NSMCE2: variants seen among roughly 807,000 people sequenced by gnomAD.
NSMCE2 encodes the protein E3 SUMO-protein ligase NSE2.
Under a neutral mutation model 23.8 loss-of-function variants are expected in NSMCE2, and 24 were observed. That is an observed-to-expected ratio of 1.01 (90% CI 0.73 to 1.42). The LOEUF (loss-of-function observed/expected upper bound fraction) is 1.42, where lower values mean the gene tolerates loss of function less well. Among genes scored for constraint, NSMCE2 ranks in the 40% most tolerant of loss-of-function variants. The probability of loss-of-function intolerance (pLI) is 0.00; values close to 1 mark genes in which losing one functional copy is unlikely to be tolerated. For synonymous variants in NSMCE2, 92 were observed against 94.1 expected (o/e 0.98, Z 0.13); for missense variants, 284 against 296.5 (o/e 0.96, Z 0.31).
At chr8:125,130,177 G>A in intron 3 of NSMCE2, 1 of 452,512 alleles carries the variant, frequency 2.2e-6, no homozygotes, top group South Asian at 1.6e-5. Flanking sequence ...GCTGGAGTTT[G>A]TCTGATGTCT....
intron 5 of NSMCE2, among the ~76,000 whole-genome samples, chr8:125,352,907 T>A (rs1160844854): frequency 6.6e-6 from 1 of 152,202 alleles, no homozygotes; most frequent in East Asian, 1.9e-4. Context: ...GAAGTTTAGC[T>A]ATTGAGAGTC....
intron 5 of NSMCE2, among the ~76,000 whole-genome samples, chr8:125,336,480 G>A (rs1456974654): frequency 1.3e-5 from 2 of 152,184 alleles, no homozygotes; most frequent in African/African-American, 4.8e-5. Flanking sequence ...AGTTGGAGAA[G>A]GGGAAGGAGG....
chr8:125,177,526 A>T (rs1054682040), intron 4 of NSMCE2, among the ~76,000 whole-genome samples: 1 of 152,166 alleles, frequency 6.6e-6, no homozygotes, highest in African/African-American at 2.4e-5. Context: ...TAGCCTTCTG[A>T]TAATTTACTC....
chr8:125,155,611 CA>C lies in NSMCE2; in HGVS notation c.264+4335del, dbSNP rs747594039. Among the ~76,000 whole-genome samples, 188 of 152,234 alleles carry C rather than the reference CA, an allele frequency of 1.2e-3. No individual in the cohort carries two copies. In the Middle Eastern group the frequency reaches 0.014, roughly 11 times the overall value. On this transcript the variant is annotated intron_variant, in intron 4 of 7. Coordinates refer to ENST00000287437, the MANE Select transcript of NSMCE2 (RefSeq NM_173685.4). Reference sequence around the variant, plus strand: ...TATTATCAATATCCTACTTCTTAAACAGGGGTTATCTCTCTTAAAATGAGAC... The same window carrying C: ...TATTATCAATATCCTACTTCTTAAACGGGGTTATCTCTCTTAAAATGAGAC...
chr8:125,195,158 A>G (rs1369751912), intron 5 of NSMCE2, among the ~76,000 whole-genome samples: 1 of 152,180 alleles, frequency 6.6e-6, no homozygotes, highest in African/African-American at 2.4e-5. Context: ...CCACTGGTTT[A>G]CAGCGGAGGT....
intron 5 of NSMCE2, among the ~76,000 whole-genome samples, chr8:125,220,660 A>G (rs1220758723): frequency 6.6e-6 from 1 of 152,024 alleles, no homozygotes; most frequent in Non-Finnish European, 1.5e-5. Flanking sequence ...AAAAAAAGTA[A>G]AGAACTTACT....
intron 5 of NSMCE2, among the ~76,000 whole-genome samples, chr8:125,207,108 C>T (rs1490890562): frequency 6.6e-6 from 1 of 151,876 alleles, no homozygotes; most frequent in Non-Finnish European, 1.5e-5. Flanking sequence ...AAACTAAGTT[C>T]CATAACCTAG....
intron 5 of NSMCE2, among the ~76,000 whole-genome samples, chr8:125,190,378 C>G (rs931213962): frequency 3.3e-5 from 5 of 152,084 alleles, no homozygotes; most frequent in Admixed American, 6.5e-5. Context: ...CCAAGAACAA[C>G]AAAGCTAGTG....
intron 5 of NSMCE2, among the ~76,000 whole-genome samples, chr8:125,212,637 G>A (rs78826883): frequency 1.4e-3 from 210 of 152,262 alleles, no homozygotes; most frequent in African/African-American, 4.8e-3. Context: ...TCTAAATTAG[G>A]GATGGTTGAT....
At chr8:125,137,076 A>G (rs1820105164) in intron 3 of NSMCE2, among the ~76,000 whole-genome samples, 1 of 150,030 alleles carries the variant, frequency 6.7e-6, no homozygotes. Flanking sequence ...TATTTTCATG[A>G]AATCAAAATT....
chr8:125,335,991 A>G (rs1830053869), intron 5 of NSMCE2, among the ~76,000 whole-genome samples: 1 of 152,198 alleles, frequency 6.6e-6, no homozygotes, highest in Non-Finnish European at 1.5e-5. Flanking sequence ...GTGAATAGAT[A>G]AGAATTAGGA....
rs34345598 is a variant in NSMCE2 at position 125,330,177 on chromosome 8, C to CTTTTTTTT, written c.419-27039_419-27038insTTTTTTTT. Among the ~76,000 whole-genome samples the CTTTTTTTT allele has an allele frequency of 2.7e-3, 326 of 118,976 alleles. 16 individuals are homozygous for CTTTTTTTT. Among genetic ancestry groups the CTTTTTTTT allele is most frequent in the Non-Finnish European group, 3.8e-3 (231 of 61,398 alleles). The allele number at this position is 118,976 out of a possible 152,430, so 78.1% of individuals were successfully genotyped here. ...AAACAGAACTAACTTTTTCTTTTTT[C>CTTTTTTTT]TTTCTTTTTTTTTTTTTTTGAGACA... is the stretch of plus-strand genomic sequence containing the variant. On this transcript the variant is annotated intron_variant, in intron 5 of 7. Coordinates refer to ENST00000287437, the MANE Select transcript of NSMCE2 (RefSeq NM_173685.4).
chr8:125,274,775 C>T (rs543444625), intron 5 of NSMCE2, among the ~76,000 whole-genome samples: 1 of 151,856 alleles, frequency 6.6e-6, no homozygotes, highest in Non-Finnish European at 1.5e-5. Flanking sequence ...ACTAAAAATA[C>T]AAAAATTAGC....
chr8:125,224,769 T>G (rs1000930041), intron 5 of NSMCE2, among the ~76,000 whole-genome samples: 1 of 152,206 alleles, frequency 6.6e-6, no homozygotes, highest in African/African-American at 2.4e-5. Flanking sequence ...ATCCCCATTT[T>G]ACAGAGGAGG....
intron 5 of NSMCE2, among the ~76,000 whole-genome samples, chr8:125,216,211 T>A (rs116733656): frequency 0.12 from 18,607 of 152,282 alleles, 1,266 homozygotes; most frequent in African/African-American, 0.16. Context: ...GTTGATCCAC[T>A]TATCTGTCAA....
chr8:125,341,937 T>C (rs1228746226), intron 5 of NSMCE2, among the ~76,000 whole-genome samples: 3 of 143,416 alleles, frequency 2.1e-5, no homozygotes, highest in Non-Finnish European at 3.0e-5. Flanking sequence ...TCTCTGCCCA[T>C]GGAGCTTACA....
intron 4 of NSMCE2, among the ~76,000 whole-genome samples, chr8:125,171,720 T>C (rs967076317): frequency 6.6e-6 from 1 of 152,154 alleles, no homozygotes; most frequent in Non-Finnish European, 1.5e-5. Context: ...ATAATAATAA[T>C]AATAACAACA....
At chr8:125,240,490 C>A (rs1363785046) in intron 5 of NSMCE2, among the ~76,000 whole-genome samples, 1 of 152,220 alleles carries the variant, frequency 6.6e-6, no homozygotes, top group Non-Finnish European at 1.5e-5. Context: ...CAATCTTTCA[C>A]ATACTGGCAG....
chr8:125,133,782 CAAAAAA>C, intron 3 of NSMCE2, among the ~76,000 whole-genome samples: 1 of 145,702 alleles, frequency 6.9e-6, no homozygotes, highest in Non-Finnish European at 1.5e-5. Flanking sequence ...AAAACCAAAA[CAAAAAA>C]AAAGAAAAAG....
Sources: gnomAD v4.1 joint callset for allele counts (sites outside exome capture counted in the v4.1 genomes callset) on GRCh38, gnomAD v4.1.1 for gene constraint, MANE v1.5 for transcripts, NCBI Gene and HGNC (gene_info 2026-07-23, HGNC 2026-07-21) for gene names.